The following KCMF1 variants were observed in gnomAD, a reference collection of about 807,000 sequenced individuals.
The protein encoded by KCMF1 is E3 ubiquitin-protein ligase KCMF1.
Under a neutral mutation model 41.1 loss-of-function variants are expected in KCMF1, and 3 were observed. The observed-to-expected ratio is 0.07, with a 90% CI of 0.03 to 0.19. KCMF1 has a LOEUF of 0.19. Among genes scored for constraint, KCMF1 ranks in the 10% least tolerant of loss-of-function variants. The probability of loss-of-function intolerance (pLI) is 1.00; values close to 1 mark genes in which losing one functional copy is unlikely to be tolerated. For synonymous variants in KCMF1, 142 were observed against 164.5 expected (o/e 0.86, Z 1.04); for missense variants, 286 against 488.9 (o/e 0.58, Z 3.91).
intron 1 of KCMF1, among the ~76,000 whole-genome samples, chr2:85,008,372 TA>T (rs1674558326): frequency 6.6e-5 from 6 of 91,576 alleles, no homozygotes; most frequent in African/African-American, 2.5e-4. Flanking sequence ...TTATATATCA[TA>T]TGATATATTA....
intron 1 of KCMF1, among the ~76,000 whole-genome samples, chr2:84,993,678 C>T (rs1382485538): frequency 4.0e-5 from 6 of 151,670 alleles, no homozygotes; most frequent in African/African-American, 1.5e-4. Flanking sequence ...TGGGTTCAAG[C>T]GATTCTGCTG....
chr2:85,034,343 G>T (rs1442452065), intron 2 of KCMF1, among the ~76,000 whole-genome samples: 1 of 152,108 alleles, frequency 6.6e-6, no homozygotes, highest in Admixed American at 6.6e-5. Flanking sequence ...TTCCCTCTGA[G>T]CACATTTGTC....
chr2:85,018,589 C>A (rs1674847386), intron 1 of KCMF1, among the ~76,000 whole-genome samples: 1 of 151,770 alleles, frequency 6.6e-6, no homozygotes, highest in African/African-American at 2.4e-5. Flanking sequence ...CTAGATTATT[C>A]AGTGATGGGT....
chr2:85,005,775 G>A (rs948538741), intron 1 of KCMF1, among the ~76,000 whole-genome samples: 4 of 152,046 alleles, frequency 2.6e-5, no homozygotes, highest in African/African-American at 9.7e-5. Context: ...CTCACAAAAT[G>A]CTGGGATTAT....
At chr2:85,018,839 C>G (rs545688155) in intron 1 of KCMF1, among the ~76,000 whole-genome samples, 3 of 116,208 alleles carry the variant, frequency 2.6e-5, no homozygotes, top group African/African-American at 1.0e-4. Flanking sequence ...GAGTCTCGCT[C>G]TGTCGCCCAG....
At chr2:84,983,561 A>G (rs1025476173) in intron 1 of KCMF1, among the ~76,000 whole-genome samples, 2 of 152,120 alleles carry the variant, frequency 1.3e-5, no homozygotes, top group Non-Finnish European at 2.9e-5. Context: ...AGGCTGGAGT[A>G]AAATGGCGTG....
chr2:85,013,096 A>T (rs535189704), intron 1 of KCMF1, among the ~76,000 whole-genome samples: 1 of 152,190 alleles, frequency 6.6e-6, no homozygotes, highest in African/African-American at 2.4e-5. Context: ...GTCATCTTTC[A>T]TCATTTTCAT....
chr2:85,054,636 A>C lies in KCMF1; in HGVS notation c.*1227A>C, dbSNP rs1340430239. The C allele has an allele frequency of 6.6e-6, 1 of 152,058 alleles. No individual in the cohort carries two copies. Among genetic ancestry groups the C allele is most frequent in the Non-Finnish European group, 1.5e-5 (1 of 68,018 alleles). 9.4% of individuals were successfully genotyped at this position (152,058 alleles called of 1,614,324 possible). On this transcript the variant is annotated 3_prime_UTR_variant, in exon 7 of 7. Coordinates refer to ENST00000409785, the MANE Select transcript of KCMF1 (RefSeq NM_020122.5). ...TTATTTCCTGTTTCAGTTTTTGTGC[A>C]TAGACTTTCACAATAGCTCCAAGGC...
rs184735917 is a variant in KCMF1 at position 85,005,300 on chromosome 2, T to A, written c.17-22589T>A. Among the ~76,000 whole-genome samples the A allele has an allele frequency of 4.5e-3, 679 of 151,750 alleles. 3 individuals are homozygous for A. The highest frequency in any genetic ancestry group is 0.015 in the East Asian group (77 of 5,120). On this transcript the variant is annotated intron_variant, in intron 1 of 6. Transcript: ENST00000409785. ...TGCTTTTTTATTTATTTATTTATTT[T>A]TTTTTTGAGACAGAGTCTCACACTG...
At chr2:85,026,607 A>C (rs896887163) in intron 1 of KCMF1, among the ~76,000 whole-genome samples, 1 of 151,284 alleles carries the variant, frequency 6.6e-6, no homozygotes, top group Non-Finnish European at 1.5e-5. Flanking sequence ...TCCCACCTCA[A>C]CCTTCCAAGT....
At chr2:85,045,993 G>A (rs1675658146) in intron 4 of KCMF1, 111 bp from the exon 5 acceptor site, 2 of 905,156 alleles carry the variant, frequency 2.2e-6, no homozygotes, top group African/African-American at 1.7e-5. Flanking sequence ...TAAATGTGCT[G>A]TTTTTAAATG....
At chr2:84,971,851 G>T (rs1293796438) in intron 1 of KCMF1, 2 of 152,106 alleles carry the variant, frequency 1.3e-5, no homozygotes, top group Non-Finnish European at 2.9e-5. Flanking sequence ...TAGCGCTCCC[G>T]CCGCCCCGGA....
At chr2:85,029,230 C>G (rs1675200288) in intron 2 of KCMF1, among the ~76,000 whole-genome samples, 1 of 152,138 alleles carries the variant, frequency 6.6e-6, no homozygotes, top group Non-Finnish European at 1.5e-5. Context: ...TCCCAAAGTG[C>G]TGGGATTACA....
At chr2:85,033,746 C>G (rs1675340745) in intron 2 of KCMF1, among the ~76,000 whole-genome samples, 1 of 152,198 alleles carries the variant, frequency 6.6e-6, no homozygotes, top group African/African-American at 2.4e-5. Flanking sequence ...ACAGCATGAG[C>G]TTTGGTGGGG....
intron 3 of KCMF1, among the ~76,000 whole-genome samples, chr2:85,039,848 T>G (rs1261165259): frequency 6.6e-6 from 1 of 152,136 alleles, no homozygotes; most frequent in African/African-American, 2.4e-5. Flanking sequence ...ATTTTGCTCT[T>G]GTTGCCCAGG....
chr2:84,973,987 C>T (rs913442583), intron 1 of KCMF1, among the ~76,000 whole-genome samples: 1 of 152,062 alleles, frequency 6.6e-6, no homozygotes, highest in Admixed American at 6.5e-5. Flanking sequence ...GCCACCACAC[C>T]CATCCAATTT....
At chr2:85,018,370 A>C (rs1427574980) in intron 1 of KCMF1, among the ~76,000 whole-genome samples, 2 of 151,332 alleles carry the variant, frequency 1.3e-5, no homozygotes, top group African/African-American at 4.9e-5. Context: ...CCCAGGTTCA[A>C]GCGATTCTCT....
At chr2:84,972,495 G>A (rs1288062140) in intron 1 of KCMF1, among the ~76,000 whole-genome samples, 1 of 152,222 alleles carries the variant, frequency 6.6e-6, no homozygotes, top group African/African-American at 2.4e-5. Flanking sequence ...TGGATAAAAA[G>A]TGTTAAGAGT....
In KCMF1 at chr2:85,053,420, A is replaced by G. The variant is rs771729860; in HGVS notation, c.*11A>G. The G allele has an allele frequency of 8.7e-6, 14 of 1,607,998 alleles. No homozygotes were observed. The highest frequency in any genetic ancestry group is 5.1e-5 in the Admixed American group (3 of 59,254). ...CCACCTCCTCTTTGATGACATCCCA[A>G]TTCGCAGACAATGTCCTCTGTGCTG... On this transcript the variant is annotated 3_prime_UTR_variant, in exon 7 of 7. Coordinates refer to ENST00000409785, the MANE Select transcript of KCMF1 (RefSeq NM_020122.5).
Sources: allele counts gnomAD v4.1 joint callset (sites outside exome capture counted in the v4.1 genomes callset), GRCh38; gene constraint gnomAD v4.1.1; transcripts MANE v1.5; gene names NCBI Gene and HGNC (gene_info 2026-07-23, HGNC 2026-07-21).